GPHN: variants seen among roughly 807,000 people sequenced by gnomAD.
The protein encoded by GPHN is gephyrin.
In GPHN, 17 loss-of-function variants were observed where a neutral mutation model predicts 95.5. The ratio of observed to expected loss-of-function variants is 0.18; its 90% confidence interval spans 0.12 to 0.27. GPHN has a LOEUF of 0.27. Ranked by LOEUF, GPHN falls within the 10% of genes least tolerant of loss-of-function variation. The probability of loss-of-function intolerance (pLI) is 1.00; values close to 1 mark genes in which losing one functional copy is unlikely to be tolerated. For synonymous variants in GPHN, 320 were observed against 322.5 expected (o/e 0.99, Z 0.08); for missense variants, 660 against 978.1 (o/e 0.67, Z 4.34).
the GPHN span, among the ~76,000 whole-genome samples, chr14:67,490,202 A>G: frequency 3.3e-5 from 5 of 152,220 alleles, no homozygotes; most frequent in Admixed American, 2.6e-4. Context: ...ACCATCACAG[A>G]TGAGCCATAC....
chr14:67,071,157 G>C (rs888783693), intron 11 of GPHN, among the ~76,000 whole-genome samples: 3 of 152,228 alleles, frequency 2.0e-5, no homozygotes, highest in African/African-American at 7.2e-5. Flanking sequence ...GATTATAAAT[G>C]ATGCTGCTAT....
At chr14:67,023,306 G>A (rs2073754697) in intron 9 of GPHN, among the ~76,000 whole-genome samples, 1 of 151,280 alleles carries the variant, frequency 6.6e-6, no homozygotes, top group Admixed American at 6.6e-5. Context: ...TACTATTAAG[G>A]GCCAATATTT....
At chr14:67,669,385 T>G in the GPHN span, among the ~76,000 whole-genome samples, 46 of 151,640 alleles carry the variant, frequency 3.0e-4, 1 homozygote, top group African/African-American at 1.1e-3. Flanking sequence ...TCCTCCTGCC[T>G]CAGCCTCCTG....
intron 21 of GPHN, among the ~76,000 whole-genome samples, chr14:67,175,090 C>T (rs1205158038): frequency 6.6e-6 from 1 of 152,118 alleles, no homozygotes; most frequent in Non-Finnish European, 1.5e-5. Flanking sequence ...AATTAGATCC[C>T]ATTTGTCAAT....
intron 8 of GPHN, among the ~76,000 whole-genome samples, chr14:66,947,621 C>A (rs879930288): frequency 2.0e-5 from 3 of 152,128 alleles, no homozygotes; most frequent in Non-Finnish European, 4.4e-5. Flanking sequence ...TTAAGACTGA[C>A]ATTTTAAAAA....
the GPHN span, among the ~76,000 whole-genome samples, chr14:67,389,551 T>C: frequency 5.9e-5 from 9 of 152,320 alleles, no homozygotes; most frequent in African/African-American, 2.2e-4. Flanking sequence ...TTTCCATCTA[T>C]GTATGTATAT....
chr14:66,815,897 T>C (rs538212366), intron 3 of GPHN, among the ~76,000 whole-genome samples: 1 of 152,206 alleles, frequency 6.6e-6, no homozygotes, highest in Admixed American at 6.5e-5. Context: ...ATTGATATGC[T>C]GTCTTCAAGA....
At chr14:66,828,073 T>G (rs1428463966) in intron 4 of GPHN, among the ~76,000 whole-genome samples, 1 of 151,958 alleles carries the variant, frequency 6.6e-6, no homozygotes, top group African/African-American at 2.4e-5. Flanking sequence ...CTAATACCTG[T>G]TTTTGAAAAG....
At chr14:66,904,545 A>G (rs968738034) in intron 5 of GPHN, among the ~76,000 whole-genome samples, 2 of 152,096 alleles carry the variant, frequency 1.3e-5, no homozygotes, top group Non-Finnish European at 2.9e-5. Context: ...GCATTTTACA[A>G]TCCTCTTGTA....
intron 1 of GPHN, among the ~76,000 whole-genome samples, chr14:66,596,799 G>T (rs1206925267): frequency 6.6e-6 from 1 of 152,148 alleles, no homozygotes; most frequent in Non-Finnish European, 1.5e-5. Flanking sequence ...CGCCCGGGGG[G>T]CGGGGCTCCC....
intron 9 of GPHN, among the ~76,000 whole-genome samples, chr14:66,984,327 CCT>C (rs1232340811): frequency 6.6e-6 from 1 of 152,140 alleles, no homozygotes; most frequent in Non-Finnish European, 1.5e-5. Context: ...ATAGGGAGCC[CCT>C]CTCTTATAGG....
chr14:66,822,140 C>T (rs147268482), intron 3 of GPHN, among the ~76,000 whole-genome samples: 1 of 152,096 alleles, frequency 6.6e-6, no homozygotes, highest in African/African-American at 2.4e-5. Flanking sequence ...TTAGTAGAGA[C>T]GGCGTTTCAC....
At chr14:67,501,908 C>T in the GPHN span, among the ~76,000 whole-genome samples, 2 of 152,240 alleles carry the variant, frequency 1.3e-5, no homozygotes, top group Admixed American at 6.5e-5. Flanking sequence ...ATGTGAGCCT[C>T]TGTTAGACCA....
chr14:66,791,170 A>T lies in GPHN; in HGVS notation c.201+14649A>T, dbSNP rs138604380. Among the ~76,000 whole-genome samples the T allele has an allele frequency of 4.7e-4, 71 of 152,304 alleles. No individual in the cohort carries two copies. In the East Asian group the frequency reaches 7.9e-3, roughly 17 times the overall value. On this transcript the variant is annotated intron_variant, in intron 3 of 22. Coordinates refer to ENST00000478722, the MANE Select transcript of GPHN (RefSeq NM_020806.5). ...CTAACTTTCCCAAGTTGGGACTCAA[A>T]CCCAATCCCATCCTTTACCTGGGTA...
chr14:67,031,478 A>T (rs1188042872), intron 10 of GPHN, among the ~76,000 whole-genome samples: 1 of 152,206 alleles, frequency 6.6e-6, no homozygotes, highest in African/African-American at 2.4e-5. Flanking sequence ...ATTGACTTCC[A>T]TAAATATTTA....
chr14:66,842,106 A>G (rs997098794), intron 4 of GPHN, among the ~76,000 whole-genome samples: 1 of 134,404 alleles, frequency 7.4e-6, no homozygotes, highest in African/African-American at 2.8e-5. Context: ...GATATTAGGT[A>G]TATGTATCTA....
chr14:67,718,208 T>A, the GPHN span, among the ~76,000 whole-genome samples: 1 of 152,174 alleles, frequency 6.6e-6, no homozygotes, highest in African/African-American at 2.4e-5. Context: ...TTAGGGAAGT[T>A]GGGCAGGGCT....
chr14:67,392,219 A>C, the GPHN span: 1 of 784,590 alleles, frequency 1.3e-6, no homozygotes, highest in East Asian at 2.4e-5. Flanking sequence ...TTTTGCTGTA[A>C]TTGGTGCCCT....
At chr14:67,286,969 G>A in the GPHN span, among the ~76,000 whole-genome samples, 6 of 152,026 alleles carry the variant, frequency 3.9e-5, no homozygotes, top group African/African-American at 1.4e-4. Flanking sequence ...TGTAATCTCA[G>A]CACTTTGGGA....
Sources: gnomAD v4.1 joint callset for allele counts (sites outside exome capture counted in the v4.1 genomes callset) on GRCh38, gnomAD v4.1.1 for gene constraint, MANE v1.5 for transcripts, NCBI Gene and HGNC (gene_info 2026-07-23, HGNC 2026-07-21) for gene names.